The following SNRPF variants were observed in gnomAD, a reference collection of about 807,000 sequenced individuals.
SNRPF encodes small nuclear ribonucleoprotein polypeptide F, also known as small nuclear ribonucleoprotein F.
SNRPF carries 1 observed loss-of-function variant against 13.4 expected under a neutral mutation model. The observed-to-expected ratio is 0.07, with a 90% confidence interval of 0.03 to 0.35. The LOEUF (loss-of-function observed/expected upper bound fraction) is 0.35. SNRPF is among the 10% of genes least tolerant of loss of function. The pLI is 0.99. For synonymous variants in SNRPF, 27 were observed against 32.1 expected (o/e 0.84, Z 0.54); for missense variants, 53 against 101.0 (o/e 0.52, Z 2.04).
At chr12:95,859,568 A>T (rs1379483882) in intron 1 of SNRPF, among the ~76,000 whole-genome samples, 1 of 152,072 alleles carries the variant, frequency 6.6e-6, no homozygotes, top group Non-Finnish European at 1.5e-5. Context: ...TTAGTCAGAG[A>T]TGGCCTCCCT....
chr12:95,865,299 C>G (rs779460026), intron 2 of SNRPF, 25 bp from the exon 3 acceptor site: 1 of 1,194,204 alleles, frequency 8.4e-7, no homozygotes, highest in Non-Finnish European at 1.2e-6. Context: ...TGTGATTATA[C>G]TAATATATTT....
chr12:95,862,666 T>TGTGATCA (rs1367239497), intron 2 of SNRPF, among the ~76,000 whole-genome samples: 3 of 152,186 alleles, frequency 2.0e-5, no homozygotes, highest in African/African-American at 7.2e-5. Flanking sequence ...TGCAGTGAGC[T>TGTGATCA]GTGATCACTG....
chr12:95,863,538 C>A lies in SNRPF; in HGVS notation c.130-1786C>A, dbSNP rs974174815. ...TGATACCAGTGTTTGAATTTGTTCA[C>A]TCAGCAAATATTTATTGAATTCCAT... On this transcript the variant is annotated intron_variant, in intron 2 of 3. Transcript: ENST00000266735. Among the ~76,000 whole-genome samples the A allele has an allele frequency of 2.6e-5, 4 of 152,282 alleles. No homozygotes were observed. The East Asian group carries it at 7.7e-4, about 29-fold the overall frequency.
At chr12:95,863,977 A>C (rs2079509121) in intron 2 of SNRPF, among the ~76,000 whole-genome samples, 1 of 152,188 alleles carries the variant, frequency 6.6e-6, no homozygotes, top group African/African-American at 2.4e-5. Flanking sequence ...CATGATAGAA[A>C]GTATTTGGAA....
chr12:95,866,081 TG>T lies in SNRPF; in HGVS notation c.*15del, dbSNP rs1293608186. 2.2e-6 allele frequency: 3 copies of T among 1,384,676 alleles called. No individual in the cohort carries two copies. Among genetic ancestry groups the T allele is most frequent in the Non-Finnish European group, 2.0e-6 (2 of 992,564 alleles). The allele number at this position is 1,384,676 out of a possible 1,614,324, so 85.8% of individuals were successfully genotyped here. ...GGAAATGAGAGAATAGCATCTTTTG[TG>T]GGGGATTTTTTTTATATATATTTCT... On this transcript the variant is annotated 3_prime_UTR_variant, in exon 4 of 4. Transcript: ENST00000266735.
chr12:95,861,288 A>G lies in SNRPF; in HGVS notation c.124A>G (p.Met42Val). ...YLVSVDGYMN[M>V]QLANTEEYID... The stretch of plus-strand genomic sequence containing the variant: ...GGTATCTGTAGATGGCTACATGAAC[A>G]TGCAGGTAAGCTAAAGAGCTGTAAA... Residue 42 changes from methionine to valine, a missense_variant, in exon 2 of 4, where the codon ATG (methionine) becomes GTG (valine). Physicochemically the swap from Met to Val is conservative, Grantham distance 21. Coordinates refer to ENST00000266735, the MANE Select transcript of SNRPF (RefSeq NM_003095.5). 1 of 1,610,676 alleles carries G rather than the reference A, an allele frequency of 6.2e-7. No individual in the cohort carries two copies. Among genetic ancestry groups the G allele is most frequent in the Non-Finnish European group, 8.5e-7 (1 of 1,178,068 alleles).
At chr12:95,864,305 C>T (rs192411802) in intron 2 of SNRPF, among the ~76,000 whole-genome samples, 2 of 152,304 alleles carry the variant, frequency 1.3e-5, no homozygotes, top group Non-Finnish European at 1.5e-5. Context: ...CCCTCTCTCC[C>T]ATCACTCCTT....
chr12:95,861,363 G>C, intron 2 of SNRPF, 70 bp downstream of exon 2: 1 of 1,416,382 alleles, frequency 7.1e-7, no homozygotes, highest in Non-Finnish European at 9.8e-7. Flanking sequence ...CAAAGGTTTA[G>C]TCTGACTAAT....
Position 95,858,989 on chromosome 12 carries a change from G to A in SNRPF, c.-85G>A. ...CATTTCTCTTGAAACTGCGGCTCGG[G>A]ACCTGCGGTACCTGCTGTAGTCACG... On this transcript the variant is annotated 5_prime_UTR_variant, in exon 1 of 4. Coordinates refer to ENST00000266735, the MANE Select transcript of SNRPF (RefSeq NM_003095.5). 1.3e-6 allele frequency: 2 copies of A among 1,592,222 alleles called. No homozygotes were observed. The highest frequency in any genetic ancestry group is 1.7e-4 in the Middle Eastern group (1 of 6,044).
Position 95,861,026 on chromosome 12 carries a change from A to C in SNRPF, c.4-142A>C. 9.3e-6 allele frequency: 6 copies of C among 645,962 alleles called. No individual in the cohort carries two copies. In the South Asian group the frequency reaches 1.2e-4, roughly 13 times the overall value. The allele number at this position is 645,962 out of a possible 1,614,324, so 40.0% of individuals were successfully genotyped here. A position where few individuals can be genotyped will look rare whatever the true frequency, so the allele number is the denominator to read the frequency against. Reference sequence around the variant, plus strand: ...ATTTCCCTGGTACTCTCAACAAATAAAAGTGAAAATTATGTACTAAAATAA... The same window carrying C: ...ATTTCCCTGGTACTCTCAACAAATACAAGTGAAAATTATGTACTAAAATAA... On this transcript the variant is annotated intron_variant, in intron 1 of 3. Coordinates refer to ENST00000266735, the MANE Select transcript of SNRPF (RefSeq NM_003095.5).
In SNRPF at chr12:95,858,954, G is replaced by A; in HGVS notation, c.-120G>A. On this transcript the variant is annotated 5_prime_UTR_variant, in exon 1 of 4. Coordinates refer to ENST00000266735, the MANE Select transcript of SNRPF (RefSeq NM_003095.5). ...GTGGGAGGTGAAAGGTCATAGTCCT[G>A]TTTGGCGGCCATTTCTCTTGAAACT... 2.8e-6 allele frequency: 4 copies of A among 1,441,940 alleles called. No homozygotes were observed. Among genetic ancestry groups the A allele is most frequent in the Non-Finnish European group, 2.9e-6 (3 of 1,045,010 alleles). The allele number at this position is 1,441,940 out of a possible 1,614,324, so 89.3% of individuals were successfully genotyped here. A position where few individuals can be genotyped will look rare whatever the true frequency, so the allele number is the denominator to read the frequency against.
At chr12:95,859,129 C>A in intron 1 of SNRPF, 53 bp downstream of exon 1, 1 of 1,513,486 alleles carries the variant, frequency 6.6e-7, no homozygotes, top group Non-Finnish European at 9.1e-7. Flanking sequence ...AGGAGGGAGA[C>A]CAGCCTCGCG....
rs771415601 is a variant in SNRPF at position 95,861,281 on chromosome 12, C to T, written c.117C>T (p.Tyr39=). The change falls in exon 2 of 4, where the codon TAC becomes TAT. Residue 39 remains tyrosine, a synonymous_variant. Transcript: ENST00000266735. ...GCTATCTGGTATCTGTAGATGGCTA[C>T]ATGAACATGCAGGTAAGCTAAAGAG... ...YKGYLVSVDG[Y]MNMQLANTEE... The T allele has an allele frequency of 6.2e-7, 1 of 1,610,774 alleles. No individual in the cohort carries two copies. The highest frequency in any genetic ancestry group is 8.5e-7 in the Non-Finnish European group (1 of 1,178,044).
chr12:95,864,876 G>A (rs2079513568), intron 2 of SNRPF, among the ~76,000 whole-genome samples: 1 of 152,202 alleles, frequency 6.6e-6, no homozygotes, highest in Admixed American at 6.5e-5. Flanking sequence ...ATTCCAGCCT[G>A]GGCAACAGAG....
Position 95,862,639 on chromosome 12 carries a change from C to T in SNRPF, c.129+1346C>T, listed in dbSNP as rs566777306. ...AGCTGAGTTGGGAGGATTACCTGAG[C>T]CTGGGGAGGTTGAAGCTGCAGTGAG... On this transcript the variant is annotated intron_variant, in intron 2 of 3. Coordinates refer to ENST00000266735, the MANE Select transcript of SNRPF (RefSeq NM_003095.5). Among the ~76,000 whole-genome samples the T allele has an allele frequency of 1.2e-4, 18 of 152,200 alleles. No individual in the cohort carries two copies. In the East Asian group the frequency reaches 2.9e-3, roughly 24 times the overall value.
chr12:95,863,705 G>GA (rs2079507721), intron 2 of SNRPF, among the ~76,000 whole-genome samples: 1 of 152,240 alleles, frequency 6.6e-6, no homozygotes, highest in Non-Finnish European at 1.5e-5. Flanking sequence ...GGGGAAGACA[G>GA]TATGTGCAAT....
At chr12:95,863,669 T>C (rs1053802620) in intron 2 of SNRPF, among the ~76,000 whole-genome samples, 2 of 152,224 alleles carry the variant, frequency 1.3e-5, no homozygotes, top group Non-Finnish European at 2.9e-5. Context: ...ATAATAGGCA[T>C]GATAGATGCC....
rs193290145 is a variant in SNRPF, at chr12:95,860,539, C to G, written c.4-629C>G. Among the ~76,000 whole-genome samples the G allele has an allele frequency of 2.2e-3, 329 of 152,292 alleles. 1 individual carries two copies. The highest frequency in any genetic ancestry group is 7.6e-3 in the African/African-American group (317 of 41,546). Reference sequence around the variant, plus strand: ...GAGGAGTTCCCCTCCCCATCTCCAACTTCTTGACAGGGACTCATTTATTTA... The same window carrying G: ...GAGGAGTTCCCCTCCCCATCTCCAAGTTCTTGACAGGGACTCATTTATTTA... On this transcript the variant is annotated intron_variant, in intron 1 of 3. Transcript: ENST00000266735.
chr12:95,864,304 C>G (rs1436663703), intron 2 of SNRPF, among the ~76,000 whole-genome samples: 2 of 152,188 alleles, frequency 1.3e-5, no homozygotes, highest in African/African-American at 4.8e-5. Context: ...TCCCTCTCTC[C>G]CATCACTCCT....
Sources: allele counts gnomAD v4.1 joint callset (sites outside exome capture counted in the v4.1 genomes callset), GRCh38; gene constraint gnomAD v4.1.1; transcripts MANE v1.5; gene names NCBI Gene and HGNC (gene_info 2026-07-23, HGNC 2026-07-21).